Variants in PPP1R9A observed in about 807,000 individuals in gnomAD.
PPP1R9A encodes the protein protein phosphatase 1 regulatory subunit 9A, also known as neurabin-1.
In PPP1R9A, 59 loss-of-function variants were observed where a neutral mutation model predicts 141.9. The observed-to-expected ratio is 0.42, with a 90% CI of 0.34 to 0.52. PPP1R9A has a LOEUF of 0.52. Ranked by LOEUF, PPP1R9A falls within the 20% of genes least tolerant of loss-of-function variation. The pLI, the probability that PPP1R9A is intolerant of heterozygous loss-of-function variation, is 0.10. For synonymous variants in PPP1R9A, 500 were observed against 569.7 expected, an observed-to-expected ratio of 0.88 and a Z score of 1.74; for missense variants, 1,444 against 1,611.9, an observed-to-expected ratio of 0.90 and a Z score of 1.78.
At chr7:95,233,862 G>A (rs188850936) in intron 8 of PPP1R9A, among the ~76,000 whole-genome samples, 120 of 152,208 alleles carry the variant, frequency 7.9e-4, no homozygotes, top group African/African-American at 2.8e-3. Flanking sequence ...AGGGATGCAG[G>A]AATGATTTAA....
At chr7:95,036,964 G>A (rs1471242630) in intron 2 of PPP1R9A, 1 of 152,178 alleles carries the variant, frequency 6.6e-6, no homozygotes. Flanking sequence ...AAAACATGCT[G>A]CTGTCGTTCA....
intron 17 of PPP1R9A, among the ~76,000 whole-genome samples, 192 bp downstream of exon 17, chr7:95,284,522 C>T (rs1692464607): frequency 6.6e-6 from 1 of 152,170 alleles, no homozygotes; most frequent in Non-Finnish European, 1.5e-5. Context: ...GCATTTGAAT[C>T]ATAGAACAGA....
At chr7:95,033,814 A>G (rs1051461039) in intron 2 of PPP1R9A, among the ~76,000 whole-genome samples, 3 of 152,066 alleles carry the variant, frequency 2.0e-5, no homozygotes, top group Admixed American at 2.0e-4. Flanking sequence ...GTCTTAAATC[A>G]ATGATTCATA....
intron 8 of PPP1R9A, among the ~76,000 whole-genome samples, chr7:95,229,732 C>A (rs1050132981): frequency 2.0e-5 from 3 of 152,070 alleles, no homozygotes; most frequent in Admixed American, 6.6e-5. Flanking sequence ...AGCTCTGTGG[C>A]CCTGCTGACT....
At chr7:95,122,500 C>T (rs984302644) in intron 4 of PPP1R9A, among the ~76,000 whole-genome samples, 3 of 152,106 alleles carry the variant, frequency 2.0e-5, no homozygotes, top group African/African-American at 7.2e-5. Context: ...AGATAGTTCT[C>T]AAAGAGAGCT....
chr7:95,099,804 A>G (rs1818516956), intron 2 of PPP1R9A, among the ~76,000 whole-genome samples: 1 of 152,178 alleles, frequency 6.6e-6, no homozygotes, highest in Non-Finnish European at 1.5e-5. Flanking sequence ...TAGAATAAAA[A>G]TGAAAATTAA....
intron 2 of PPP1R9A, among the ~76,000 whole-genome samples, chr7:94,940,572 A>T (rs1795234162): frequency 6.6e-6 from 1 of 152,020 alleles, no homozygotes; most frequent in Non-Finnish European, 1.5e-5. Context: ...AAAGGAAAAC[A>T]TTTAGCCTTA....
At chr7:95,280,284 T>C (rs1165626168) in intron 16 of PPP1R9A, among the ~76,000 whole-genome samples, 1 of 152,236 alleles carries the variant, frequency 6.6e-6, no homozygotes, top group Admixed American at 6.5e-5. Context: ...CTTTTACTCC[T>C]GGGCTTAAAT....
intron 2 of PPP1R9A, among the ~76,000 whole-genome samples, chr7:94,934,684 CAT>C (rs1328095610): frequency 2.0e-5 from 3 of 151,868 alleles, no homozygotes; most frequent in Non-Finnish European, 2.9e-5. Context: ...AAAATATATA[CAT>C]GTTTCTGGAA....
At position 95,266,424 on chromosome 7, in the gene PPP1R9A, G is replaced by A. The variant is rs190310806; in HGVS notation, c.2666-2126G>A. ...GAAATGAGTTTCCTAGACTAGTCAC[G>A]TCATATATGATTTTATAACCCAAAA... On this transcript the variant is annotated intron_variant, in intron 12 of 19. Transcript: ENST00000433360. Among the ~76,000 whole-genome samples, 424 of 151,894 alleles carry A rather than the reference G, an allele frequency of 2.8e-3. 1 individual carries two copies. The highest frequency in any genetic ancestry group is 8.5e-3 in the African/African-American group (354 of 41,446).
At chr7:95,105,335 C>A (rs1819357255) in intron 2 of PPP1R9A, among the ~76,000 whole-genome samples, 1 of 152,112 alleles carries the variant, frequency 6.6e-6, no homozygotes, top group Non-Finnish European at 1.5e-5. Flanking sequence ...CTTTTCATAG[C>A]CTTGGGTTGT....
chr7:95,091,816 G>A (rs921663566), intron 2 of PPP1R9A, among the ~76,000 whole-genome samples: 15 of 144,180 alleles, frequency 1.0e-4, no homozygotes, highest in East Asian at 5.9e-4. Flanking sequence ...CATTTGGTGC[G>A]TTAATAATGC....
intron 3 of PPP1R9A, among the ~76,000 whole-genome samples, chr7:95,114,950 A>G (rs908053535): frequency 2.0e-5 from 3 of 151,856 alleles, no homozygotes; most frequent in Non-Finnish European, 4.4e-5. Flanking sequence ...AGGAAAAGCT[A>G]TATCCTTGAT....
intron 12 of PPP1R9A, among the ~76,000 whole-genome samples, chr7:95,253,440 T>A (rs1799158140): frequency 6.6e-6 from 1 of 152,218 alleles, no homozygotes; most frequent in South Asian, 2.1e-4. Context: ...ATTAAAATGA[T>A]ATCTAGAGAT....
At chr7:94,960,169 C>CT (rs545105548) in intron 2 of PPP1R9A, among the ~76,000 whole-genome samples, 3,684 of 139,490 alleles carry the variant, frequency 0.026, 148 homozygotes, top group African/African-American at 0.084. Context: ...CTCTCTCTCT[C>CT]TTTTTTTTTT....
At chr7:95,287,259 C>T (rs1805527949) in intron 18 of PPP1R9A, 1 of 1,215,264 alleles carries the variant, frequency 8.2e-7, no homozygotes, top group Non-Finnish European at 1.2e-6. Context: ...GAAGGGTTTC[C>T]TTGTGTTAAA....
intron 2 of PPP1R9A, among the ~76,000 whole-genome samples, chr7:94,998,954 C>T (rs1036884817): frequency 3.3e-5 from 5 of 152,106 alleles, no homozygotes; most frequent in African/African-American, 1.2e-4. Flanking sequence ...CAGGGTCTCA[C>T]CATGCTGCCA....
intron 4 of PPP1R9A, among the ~76,000 whole-genome samples, chr7:95,134,326 G>T (rs986269818): frequency 6.6e-6 from 1 of 152,066 alleles, no homozygotes; most frequent in Non-Finnish European, 1.5e-5. Flanking sequence ...TGGTGGGTGG[G>T]GGTCAAGGGG....
intron 2 of PPP1R9A, among the ~76,000 whole-genome samples, chr7:94,967,167 C>G (rs1798310607): frequency 6.6e-6 from 1 of 151,856 alleles, no homozygotes; most frequent in Non-Finnish European, 1.5e-5. Context: ...GGTGATATCC[C>G]CCTTATCATT....
Sources: gnomAD v4.1 joint callset for allele counts (sites outside exome capture counted in the v4.1 genomes callset) on GRCh38, gnomAD v4.1.1 for gene constraint, MANE v1.5 for transcripts, NCBI Gene and HGNC (gene_info 2026-07-23, HGNC 2026-07-21) for gene names.